Variants in KIF26B observed in about 807,000 individuals in gnomAD.
The protein encoded by KIF26B is kinesin family member 26B.
KIF26B carries 63 observed loss-of-function variants against 151.2 expected under a neutral mutation model. That is an observed-to-expected ratio of 0.42 (90% confidence interval 0.34 to 0.51). KIF26B has a LOEUF of 0.51. Ranked by LOEUF, KIF26B falls within the 20% of genes least tolerant of loss-of-function variation. KIF26B has a pLI of 0.07. For missense variants in KIF26B, 2,813 were observed against 2,913.6 expected (o/e 0.97, Z 0.79); for synonymous variants, 1,357 against 1,262.1 (o/e 1.08, Z -1.59).
chr1:245,297,875 T>TTTG (rs1671364836), intron 2 of KIF26B, among the ~76,000 whole-genome samples: 3 of 149,848 alleles, frequency 2.0e-5, no homozygotes, highest in African/African-American at 7.4e-5. Context: ...GGGCATCAGT[T>TTTG]TTTGTTTGTT....
At position 245,601,658 on chromosome 1, in the gene KIF26B, A is replaced by G. The variant is rs1206749336; in HGVS notation, c.1351-919A>G. Among the ~76,000 whole-genome samples, 1 of 152,212 alleles carries G rather than the reference A, an allele frequency of 6.6e-6. No individual in the cohort carries two copies. The highest frequency in any genetic ancestry group is 1.5e-5 in the Non-Finnish European group (1 of 68,034). ...ATGCCTAGCACAGTGCCCAGCACAT[A>G]GTAGGTGCTCAAAAAAAGTGCCCAT... On this transcript the variant is annotated intron_variant, in intron 5 of 14. Transcript: ENST00000407071. This position sits in a 1 kb window ranked among gnomAD's most constrained non-coding sequence, Gnocchi z 4.4.
chr1:245,502,529 C>CAAAAAA (rs10596275), intron 4 of KIF26B, among the ~76,000 whole-genome samples: 2 of 96,754 alleles, frequency 2.1e-5, no homozygotes, highest in African/African-American at 7.8e-5. Context: ...GATTCTGTCT[C>CAAAAAA]AAAAAAAAAA....
At chr1:245,382,355 G>A (rs1174719062) in intron 3 of KIF26B, among the ~76,000 whole-genome samples, 2 of 152,104 alleles carry the variant, frequency 1.3e-5, no homozygotes, top group Non-Finnish European at 2.9e-5. Context: ...TTGGTAAGCT[G>A]AGTAATATTT....
At chr1:245,442,832 C>T (rs868014071) in intron 4 of KIF26B, among the ~76,000 whole-genome samples, 1 of 105,522 alleles carries the variant, frequency 9.5e-6, no homozygotes, top group Admixed American at 1.0e-4. Flanking sequence ...TCATCTCCCT[C>T]ACTGTTCACC....
At chr1:245,354,422 C>T (rs1672637576) in intron 2 of KIF26B, among the ~76,000 whole-genome samples, 1 of 152,224 alleles carries the variant, frequency 6.6e-6, no homozygotes, top group African/African-American at 2.4e-5. Context: ...AGCCATGAAC[C>T]AGATCCACGG....
At chr1:245,387,435 A>G (rs1673578882) in intron 3 of KIF26B, among the ~76,000 whole-genome samples, 2 of 152,172 alleles carry the variant, frequency 1.3e-5, no homozygotes, top group African/African-American at 4.8e-5. Context: ...AAGTCCTGGG[A>G]TTACAGGCAT....
intron 2 of KIF26B, among the ~76,000 whole-genome samples, chr1:245,198,065 A>G (rs1669224453): frequency 6.6e-6 from 1 of 152,032 alleles, no homozygotes; most frequent in Admixed American, 6.6e-5. Context: ...CCTTCCTCCT[A>G]CCACCCACAC....
rs1672589318 is a variant in KIF26B at position 245,352,551 on chromosome 1, A to G, written c.466-14283A>G. On this transcript the variant is annotated intron_variant, in intron 2 of 14. Coordinates refer to ENST00000407071, the MANE Select transcript of KIF26B (RefSeq NM_018012.4). This position sits in a 1 kb window ranked among gnomAD's most constrained non-coding sequence, Gnocchi z 5.0. Reference sequence around the variant, plus strand: ...AGTGCTGAGATTATAGGCGTGAACCACTGTGCCTGGCCCACCTACTTCCAG... The same window carrying G: ...AGTGCTGAGATTATAGGCGTGAACCGCTGTGCCTGGCCCACCTACTTCCAG... Among the ~76,000 whole-genome samples, 1 of 152,212 alleles carries G rather than the reference A, an allele frequency of 6.6e-6. No homozygotes were observed. The highest frequency in any genetic ancestry group is 1.5e-5 in the Non-Finnish European group (1 of 68,034).
intron 2 of KIF26B, among the ~76,000 whole-genome samples, chr1:245,336,063 A>AGTCCCACGCAGGGAAAGGAGG (rs1210049053): frequency 2.2e-4 from 19 of 86,738 alleles, no homozygotes; most frequent in Non-Finnish European, 1.6e-4. Flanking sequence ...GGGAAAGGAG[A>AGTCCCACGCAGGGAAAGGAGG]GTCCCACGCA....
At chr1:245,191,509 TA>T (rs1006219954) in intron 2 of KIF26B, among the ~76,000 whole-genome samples, 2 of 151,846 alleles carry the variant, frequency 1.3e-5, no homozygotes, top group African/African-American at 2.4e-5. Context: ...TAAATATATA[TA>T]AAAAAATCTA....
At chr1:245,187,216 T>G (rs1329948880) in intron 2 of KIF26B, among the ~76,000 whole-genome samples, 1 of 152,232 alleles carries the variant, frequency 6.6e-6, no homozygotes, top group East Asian at 1.9e-4. Flanking sequence ...GATCTTTGCC[T>G]GGAACTGGAG....
At chr1:245,439,361 A>AG (rs59228889) in intron 4 of KIF26B, among the ~76,000 whole-genome samples, 1 of 151,034 alleles carries the variant, frequency 6.6e-6, no homozygotes, top group East Asian at 1.9e-4. Flanking sequence ...AAAAAAAAAA[A>AG]AAGAAAAAAG....
At chr1:245,235,003 C>T (rs984748626) in intron 2 of KIF26B, among the ~76,000 whole-genome samples, 2 of 152,108 alleles carry the variant, frequency 1.3e-5, no homozygotes, top group African/African-American at 4.8e-5. Flanking sequence ...GATCTGCTTC[C>T]CCATCCTCCT....
intron 2 of KIF26B, among the ~76,000 whole-genome samples, chr1:245,296,509 C>T (rs72761117): frequency 0.048 from 7,272 of 152,160 alleles, 233 homozygotes; most frequent in African/African-American, 0.085. Context: ...GGTTTGGAGC[C>T]GCACAGTGTG....
Position 245,687,523 on chromosome 1 carries a change from G to A in KIF26B, c.4540G>A (p.Glu1514Lys). ...DNFRRVVDGC[E>K]MALPGLATQS... ...CTTCAGGAGGGTCGTGGATGGGTGT[G>A]AGATGGCCCTGCCCGGTTTGGCCAC... The change falls in exon 12 of 15, where the codon GAG becomes AAG. Residue 1514 changes from glutamate to lysine, a missense_variant. By Grantham distance (56) the Glu-to-Lys change is moderately conservative. Transcript: ENST00000407071. The surrounding 1 kb of genome is among the most constrained non-coding windows in gnomAD (Gnocchi z 4.9). 1 of 1,573,768 alleles carries A rather than the reference G, an allele frequency of 6.4e-7. No individual in the cohort carries two copies. The highest frequency in any genetic ancestry group is 8.6e-7 in the Non-Finnish European group (1 of 1,160,026).
At chr1:245,201,323 GATC>G (rs1271400073) in intron 2 of KIF26B, among the ~76,000 whole-genome samples, 3 of 152,180 alleles carry the variant, frequency 2.0e-5, no homozygotes, top group Admixed American at 2.0e-4. Context: ...AAATAATCCT[GATC>G]ATGGAGCAAG....
At position 245,688,724 on chromosome 1, in the gene KIF26B, C is replaced by T. The variant is rs1406518490; in HGVS notation, c.5741C>T (p.Ala1914Val). The T allele has an allele frequency of 3.7e-6, 6 of 1,608,768 alleles. No homozygotes were observed. The highest frequency in any genetic ancestry group is 4.5e-5 in the East Asian group (2 of 44,754). The change falls in exon 12 of 15, where the codon GCG (alanine) becomes GTG (valine). Residue 1914 changes from alanine to valine, a missense_variant. Physicochemically the swap from Ala to Val is moderately conservative, Grantham distance 64 (BLOSUM62 0). Transcript: ENST00000407071. ...GAGGCCACCGGCAGCGCGTCCTCGGCGCAGGACTCCACGAGCGAGAACAGC... is the reference window on the plus strand; with the variant it reads ...GAGGCCACCGGCAGCGCGTCCTCGGTGCAGGACTCCACGAGCGAGAACAGC... ...DSEATGSASS[A>V]QDSTSENSSS...
intron 9 of KIF26B, among the ~76,000 whole-genome samples, chr1:245,626,674 G>T (rs1318033106): frequency 1.3e-5 from 2 of 151,834 alleles, no homozygotes; most frequent in Non-Finnish European, 2.9e-5. Context: ...TTTCCATTCT[G>T]CAGGTTGTCT....
chr1:245,272,909 T>C (rs1670876027), intron 2 of KIF26B, among the ~76,000 whole-genome samples: 1 of 152,238 alleles, frequency 6.6e-6, no homozygotes, highest in Non-Finnish European at 1.5e-5. Context: ...ACTTCTTAAA[T>C]CTGTTAAGTC....
Sources: gnomAD v4.1 joint callset for allele counts (sites outside exome capture counted in the v4.1 genomes callset) on GRCh38, gnomAD v4.1.1 for gene constraint, Gnocchi (gnomAD v3.1) non-coding constraint, MANE v1.5 for transcripts, NCBI Gene and HGNC (gene_info 2026-07-23, HGNC 2026-07-21) for gene names.